The following MELK variants were observed in gnomAD, a reference collection of about 807,000 sequenced individuals.
The protein encoded by MELK is maternal embryonic leucine zipper kinase, also known as pEg3 kinase.
In MELK, 81 loss-of-function variants were observed where a neutral mutation model predicts 85.0. That is an observed-to-expected ratio of 0.95 (90% CI 0.80 to 1.15). The LOEUF (loss-of-function observed/expected upper bound fraction) is 1.15, where lower values mean the gene tolerates loss of function less well. Ranked by LOEUF, MELK falls within the 50% of genes most tolerant of loss-of-function variation. The pLI is 0.00. For synonymous variants in MELK, 252 were observed against 265.0 expected (o/e 0.95, Z 0.48); for missense variants, 754 against 777.5 (o/e 0.97, Z 0.36).
intron 11 of MELK, among the ~76,000 whole-genome samples, chr9:36,647,860 C>T (rs1029122535): frequency 2.6e-5 from 4 of 152,212 alleles, no homozygotes; most frequent in Admixed American, 1.3e-4. Context: ...TAATTTATGA[C>T]ACTATTTTAT....
At chr9:36,674,191 C>A (rs1432585976) in intron 16 of MELK, among the ~76,000 whole-genome samples, 1 of 152,044 alleles carries the variant, frequency 6.6e-6, no homozygotes, top group Non-Finnish European at 1.5e-5. Flanking sequence ...CAGTGCCTAC[C>A]ACATAGTAAA....
rs148546709 is a variant in MELK at position 36,668,657 on chromosome 9, C to T, written c.1409-653C>T. Among the ~76,000 whole-genome samples, 1,401 of 152,180 alleles carry T rather than the reference C, an allele frequency of 9.2e-3. 21 individuals are homozygous for T. The highest frequency in any genetic ancestry group is 0.065 in the Middle Eastern group (19 of 294). On this transcript the variant is annotated intron_variant, in intron 14 of 17. Transcript: ENST00000298048. ...CCTCCCAAGTGGCTGGGATTACAGG[C>T]GTGCGCCACCACGCCCAGCTAATTT...
intron 9 of MELK, 63 bp from the exon 10 acceptor site, chr9:36,633,039 G>A: frequency 8.6e-7 from 1 of 1,166,482 alleles, no homozygotes; most frequent in South Asian, 1.3e-5. Context: ...TTTTCAGGAG[G>A]AAAGGTGTTC....
At chr9:36,657,492 C>T (rs767120125) in intron 13 of MELK, 129 bp downstream of exon 13, 45 of 983,454 alleles carry the variant, frequency 4.6e-5, no homozygotes, top group South Asian at 1.5e-4. Context: ...TGTTTATGAG[C>T]GATAACTGGA....
At chr9:36,662,790 CT>C (rs1831983385) in intron 13 of MELK, among the ~76,000 whole-genome samples, 1 of 152,152 alleles carries the variant, frequency 6.6e-6, no homozygotes, top group Non-Finnish European at 1.5e-5. Context: ...TTTAGTCTGT[CT>C]TTTCTCTCTG....
intron 5 of MELK, among the ~76,000 whole-genome samples, chr9:36,596,849 G>A (rs1824339860): frequency 6.6e-6 from 1 of 152,118 alleles, no homozygotes. Flanking sequence ...GCCTCCCAAA[G>A]TGCTGGGATT....
intron 13 of MELK, among the ~76,000 whole-genome samples, chr9:36,659,504 C>G (rs1831584460): frequency 6.6e-6 from 1 of 152,122 alleles, no homozygotes; most frequent in Non-Finnish European, 1.5e-5. Flanking sequence ...TCATTTAGGT[C>G]AGTGTTGGGC....
chr9:36,602,248 T>C (rs1437094984), intron 7 of MELK, among the ~76,000 whole-genome samples: 3 of 152,048 alleles, frequency 2.0e-5, no homozygotes, highest in African/African-American at 7.2e-5. Context: ...ATCCCAGCAC[T>C]TTGGGAGACT....
intron 5 of MELK, among the ~76,000 whole-genome samples, chr9:36,596,595 T>C (rs1437147534): frequency 1.6e-5 from 2 of 127,888 alleles, no homozygotes; most frequent in African/African-American, 7.2e-5. Flanking sequence ...TTTTTGTTTT[T>C]TTTTTTTTGA....
chr9:36,575,434 A>G (rs1408544002), intron 1 of MELK, among the ~76,000 whole-genome samples: 1 of 152,190 alleles, frequency 6.6e-6, no homozygotes, highest in Non-Finnish European at 1.5e-5. Flanking sequence ...AATCAAGTAT[A>G]ATCTGCTATT....
chr9:36,621,301 A>G (rs868327074), intron 8 of MELK, among the ~76,000 whole-genome samples: 1,954 of 125,620 alleles, frequency 0.016, 119 homozygotes, highest in African/African-American at 0.068. Context: ...AAAAAAAAAA[A>G]AAAAAAAAAA....
At chr9:36,652,112 C>T (rs1263230561) in intron 12 of MELK, among the ~76,000 whole-genome samples, 1 of 125,494 alleles carries the variant, frequency 8.0e-6, no homozygotes, top group Non-Finnish European at 1.6e-5. Context: ...AGTGGCATGA[C>T]CTCAGCTCAC....
chr9:36,646,076 G>A (rs894375806), intron 11 of MELK, among the ~76,000 whole-genome samples: 1 of 152,196 alleles, frequency 6.6e-6, no homozygotes, highest in African/African-American at 2.4e-5. Flanking sequence ...ATGCCATCTA[G>A]CGGGTGGAGG....
At chr9:36,658,816 C>T (rs1029825687) in intron 13 of MELK, among the ~76,000 whole-genome samples, 13 of 152,012 alleles carry the variant, frequency 8.6e-5, no homozygotes, top group Non-Finnish European at 1.3e-4. Context: ...ATTCTCCTGC[C>T]TCAGCCTCCT....
chr9:36,619,309 G>C (rs559853129), intron 8 of MELK, among the ~76,000 whole-genome samples: 1 of 152,248 alleles, frequency 6.6e-6, no homozygotes, highest in Admixed American at 6.5e-5. Flanking sequence ...ATACCTCTCA[G>C]CCAGGTTATT....
chr9:36,595,228 T>C lies in MELK; in HGVS notation c.405+457T>C, dbSNP rs574401227. Among the ~76,000 whole-genome samples, 118 of 151,950 alleles carry C rather than the reference T, an allele frequency of 7.8e-4. No homozygotes were observed. In the South Asian group the frequency reaches 8.7e-3, roughly 11 times the overall value. ...TCGGCTCACTGCAAGCTCCGCCTCC[T>C]GGGTTCACGCCATTCTCCTGCCTCA... On this transcript the variant is annotated intron_variant, in intron 5 of 17. Transcript: ENST00000298048.
chr9:36,580,930 A>G (rs1822173244), intron 1 of MELK, among the ~76,000 whole-genome samples: 1 of 151,098 alleles, frequency 6.6e-6, no homozygotes, highest in African/African-American at 2.4e-5. Context: ...GGGTTTCACC[A>G]TGTTGGCCAG....
rs562089590 is a variant in MELK, at chr9:36,666,094, C to T, written c.1408+513C>T. On this transcript the variant is annotated intron_variant, in intron 14 of 17. Transcript: ENST00000298048. ...CAGCAGGCAGGGTGAATCCATGATG[C>T]CCTTCCAGATATCTGTCTTTGTCCA... 2.8e-4 allele frequency among the ~76,000 whole-genome samples: 42 copies of T among 152,310 alleles called. No homozygotes were observed. In the East Asian group the frequency reaches 6.2e-3, roughly 22 times the overall value.
intron 7 of MELK, among the ~76,000 whole-genome samples, chr9:36,602,219 G>A (rs543632541): frequency 8.3e-4 from 127 of 152,156 alleles, no homozygotes; most frequent in Non-Finnish European, 1.5e-3. Flanking sequence ...TGGGCTGGGC[G>A]CGGTGGCTCA....
Sources: allele counts gnomAD v4.1 joint callset (sites outside exome capture counted in the v4.1 genomes callset), GRCh38; gene constraint gnomAD v4.1.1; transcripts MANE v1.5; gene names NCBI Gene and HGNC (gene_info 2026-07-23, HGNC 2026-07-21).